The following ERBB4 variants were observed in gnomAD, a reference collection of about 807,000 sequenced individuals.
The protein encoded by ERBB4 is erb-b2 receptor tyrosine kinase 4, also known as receptor tyrosine-protein kinase erbB-4.
Under a neutral mutation model 158.0 loss-of-function variants are expected in ERBB4, and 42 were observed. The observed-to-expected ratio is 0.27, with a 90% CI of 0.21 to 0.34. ERBB4 has a LOEUF of 0.34. Ranked by LOEUF, ERBB4 falls within the 10% of genes least tolerant of loss-of-function variation. The probability of loss-of-function intolerance (pLI) is 1.00; values close to 1 mark genes in which losing one functional copy is unlikely to be tolerated. For synonymous variants in ERBB4, 583 were observed against 558.7 expected, an observed-to-expected ratio of 1.04 and a Z score of -0.61; for missense variants, 1,333 against 1,624.1, an observed-to-expected ratio of 0.82 and a Z score of 3.08.
At chr2:211,656,657 T>G (rs1005933250) in intron 16 of ERBB4, among the ~76,000 whole-genome samples, 2 of 152,212 alleles carry the variant, frequency 1.3e-5, no homozygotes, top group Admixed American at 6.5e-5. Flanking sequence ...GATCTCCAGC[T>G]CTTGGCAACA....
chr2:211,664,835 T>TC (rs140041581), intron 15 of ERBB4, among the ~76,000 whole-genome samples: 2,543 of 152,296 alleles, frequency 0.017, 76 homozygotes, highest in African/African-American at 0.058. Context: ...GTTCCCTTTT[T>TC]CCCTGCCATT....
intron 1 of ERBB4, chr2:212,429,351 T>A (rs2091978001): frequency 6.6e-6 from 1 of 152,306 alleles, no homozygotes. Context: ...AGGAGTCTAC[T>A]GATAATCATC....
chr2:211,513,000 G>C (rs1010992473), intron 20 of ERBB4, among the ~76,000 whole-genome samples: 4 of 152,050 alleles, frequency 2.6e-5, no homozygotes, highest in Non-Finnish European at 4.4e-5. Flanking sequence ...TGAAACATTA[G>C]ACAGTATTCT....
At chr2:212,535,711 C>T (rs1363066726) in intron 1 of ERBB4, among the ~76,000 whole-genome samples, 1 of 151,944 alleles carries the variant, frequency 6.6e-6, no homozygotes, top group Non-Finnish European at 1.5e-5. Context: ...CTAGATATAT[C>T]TAAATAAAAT....
At chr2:211,725,007 C>A in intron 6 of ERBB4, 69 bp downstream of exon 6, 2 of 1,148,730 alleles carry the variant, frequency 1.7e-6, no homozygotes, top group South Asian at 2.5e-5. Context: ...GACAAAGATT[C>A]AGTATGCCTG....
chr2:211,959,376 T>A (rs1335538406), intron 2 of ERBB4, among the ~76,000 whole-genome samples: 1 of 152,152 alleles, frequency 6.6e-6, no homozygotes, highest in Non-Finnish European at 1.5e-5. Flanking sequence ...AATGCCTGTA[T>A]CTTTGTTTCT....
intron 1 of ERBB4, among the ~76,000 whole-genome samples, chr2:212,465,200 G>T (rs1197856564): frequency 6.6e-6 from 1 of 152,086 alleles, no homozygotes; most frequent in Admixed American, 6.6e-5. Flanking sequence ...TAAAAGGAGG[G>T]TTGAACAAAA....
At chr2:212,326,517 C>T (rs1335179867) in intron 1 of ERBB4, among the ~76,000 whole-genome samples, 1 of 150,710 alleles carries the variant, frequency 6.6e-6, no homozygotes, top group Non-Finnish European at 1.5e-5. Context: ...CATTTGAATA[C>T]GCTTTAGCCC....
At chr2:211,458,816 C>T (rs1250979351) in intron 20 of ERBB4, among the ~76,000 whole-genome samples, 1 of 152,110 alleles carries the variant, frequency 6.6e-6, no homozygotes, top group African/African-American at 2.4e-5. Flanking sequence ...ACAATGAAAT[C>T]CTTCAGCCAT....
chr2:212,113,086 G>A (rs566533331), intron 2 of ERBB4, among the ~76,000 whole-genome samples: 118 of 152,244 alleles, frequency 7.8e-4, no homozygotes, highest in Non-Finnish European at 1.5e-3. Flanking sequence ...AATTCTGCTT[G>A]TCTTGATGGT....
At chr2:212,471,660 A>G (rs1210877404) in intron 1 of ERBB4, among the ~76,000 whole-genome samples, 3 of 151,936 alleles carry the variant, frequency 2.0e-5, no homozygotes. Context: ...ACAACTTTCT[A>G]AAAATAATCT....
chr2:212,090,209 A>G (rs1461707969), intron 2 of ERBB4, among the ~76,000 whole-genome samples: 5 of 137,398 alleles, frequency 3.6e-5, no homozygotes, highest in Non-Finnish European at 7.9e-5. Flanking sequence ...TCCTCTAAAG[A>G]TAATTCCCGT....
chr2:211,802,304 A>G (rs1334687323), intron 3 of ERBB4, among the ~76,000 whole-genome samples: 1 of 151,984 alleles, frequency 6.6e-6, no homozygotes, highest in Non-Finnish European at 1.5e-5. Context: ...AGGTAGTGGG[A>G]ATGCTAATAA....
chr2:212,441,645 A>C (rs1478562267), intron 1 of ERBB4, among the ~76,000 whole-genome samples: 2 of 152,076 alleles, frequency 1.3e-5, no homozygotes, highest in Non-Finnish European at 1.5e-5. Context: ...TATTTATTTG[A>C]GCCCACTAAA....
rs573887442 is a variant in ERBB4 at position 212,006,801 on chromosome 2, A to G, written c.235-59185T>C. Among the ~76,000 whole-genome samples the G allele has an allele frequency of 2.0e-5, 3 of 152,200 alleles. No homozygotes were observed. The South Asian group carries it at 6.2e-4, about 32-fold the overall frequency. ...GGCTTACGTATCTTGCCGGTTTAAAAAAGAAAAAAGAATTCCATTGTCAAT... is the reference window on the plus strand; with the variant it reads ...GGCTTACGTATCTTGCCGGTTTAAAGAAGAAAAAAGAATTCCATTGTCAAT... On this transcript the variant is annotated intron_variant, in intron 2 of 27. Transcript: ENST00000342788.
chr2:211,584,782 G>A (rs2068213028), intron 19 of ERBB4, among the ~76,000 whole-genome samples: 1 of 151,492 alleles, frequency 6.6e-6, no homozygotes, highest in African/African-American at 2.4e-5. Flanking sequence ...ATATGTATAT[G>A]TGTATATTTT....
At chr2:211,865,582 G>A (rs778390941) in intron 3 of ERBB4, among the ~76,000 whole-genome samples, 1 of 152,070 alleles carries the variant, frequency 6.6e-6, no homozygotes, top group Non-Finnish European at 1.5e-5. Context: ...CTGCCTCCCA[G>A]GTTCAAGTGA....
At chr2:211,937,314 C>T (rs1383258533) in intron 3 of ERBB4, among the ~76,000 whole-genome samples, 4 of 151,962 alleles carry the variant, frequency 2.6e-5, no homozygotes, top group African/African-American at 9.7e-5. Context: ...TAAATAAATG[C>T]TATAATTTTT....
intron 3 of ERBB4, among the ~76,000 whole-genome samples, chr2:211,838,812 C>G (rs1026909812): frequency 6.6e-6 from 1 of 152,068 alleles, no homozygotes; most frequent in Non-Finnish European, 1.5e-5. Flanking sequence ...GAGGTCACAG[C>G]TCCTATTTTA....
Sources: gnomAD v4.1 joint callset for allele counts (sites outside exome capture counted in the v4.1 genomes callset) on GRCh38, gnomAD v4.1.1 for gene constraint, MANE v1.5 for transcripts, NCBI Gene and HGNC (gene_info 2026-07-23, HGNC 2026-07-21) for gene names.